Variants in SLC4A10 observed in about 807,000 individuals in gnomAD.
The protein encoded by SLC4A10 is solute carrier family 4 member 10.
In SLC4A10, 42 loss-of-function variants were observed where a neutral mutation model predicts 137.7. That is an observed-to-expected ratio of 0.30 (90% confidence interval 0.24 to 0.39). The LOEUF is 0.39. SLC4A10 is among the 10% of genes least tolerant of loss of function. SLC4A10 has a pLI of 1.00. For synonymous variants in SLC4A10, 474 were observed against 464.1 expected (o/e 1.02, Z -0.27); for missense variants, 925 against 1,355.0 (o/e 0.68, Z 4.98).
chr2:161,864,987 A>T (rs116636888), intron 6 of SLC4A10, among the ~76,000 whole-genome samples: 2 of 152,092 alleles, frequency 1.3e-5, no homozygotes, highest in Non-Finnish European at 2.9e-5. Context: ...ATGCATGCAG[A>T]TTTTATAAAA....
intron 10 of SLC4A10, among the ~76,000 whole-genome samples, chr2:161,885,115 T>A (rs1189767635): frequency 6.6e-6 from 1 of 151,984 alleles, no homozygotes; most frequent in Non-Finnish European, 1.5e-5. Flanking sequence ...GAAGTGGAGA[T>A]GGCAATGAGC....
chr2:161,675,188 A>T (rs1342424627), intron 1 of SLC4A10, among the ~76,000 whole-genome samples: 1 of 152,064 alleles, frequency 6.6e-6, no homozygotes, highest in Non-Finnish European at 1.5e-5. Context: ...TGAGGGGGCA[A>T]CTCCTACCTG....
intron 23 of SLC4A10, among the ~76,000 whole-genome samples, chr2:161,973,136 A>T (rs1236537613): frequency 4.6e-5 from 7 of 152,146 alleles, no homozygotes; most frequent in Non-Finnish European, 8.8e-5. Context: ...CTTCAGGGCC[A>T]TCCCTTTTTT....
At chr2:161,675,190 T>A (rs1299221797) in intron 1 of SLC4A10, among the ~76,000 whole-genome samples, 1 of 152,182 alleles carries the variant, frequency 6.6e-6, no homozygotes, top group Non-Finnish European at 1.5e-5. Context: ...AGGGGGCAAC[T>A]CCTACCTGGT....
intron 1 of SLC4A10, among the ~76,000 whole-genome samples, chr2:161,699,824 A>G (rs2042946943): frequency 6.6e-6 from 1 of 152,188 alleles, no homozygotes; most frequent in Admixed American, 6.5e-5. Context: ...CTGCATTCTA[A>G]CAACAACAAG....
rs145595648 is a variant in SLC4A10, at chr2:161,740,440, C to G, written c.49-30533C>G. On this transcript the variant is annotated intron_variant, in intron 1 of 26. Coordinates refer to ENST00000446997, the MANE Select transcript of SLC4A10 (RefSeq NM_001178015.2). ...CTGTCATTCCCATTAGAGTATTTCT[C>G]TGACATCACCCAAGACAGCATGGGT... Among the ~76,000 whole-genome samples, 199 of 152,260 alleles carry G rather than the reference C, an allele frequency of 1.3e-3. 3 individuals are homozygous for G. The highest frequency in any genetic ancestry group is 0.011 in the East Asian group (55 of 5,174).
chr2:161,779,950 G>C (rs1246972028), intron 2 of SLC4A10, among the ~76,000 whole-genome samples: 1 of 151,996 alleles, frequency 6.6e-6, no homozygotes. Flanking sequence ...CACTACAATG[G>C]TAGAGTTGAG....
intron 3 of SLC4A10, among the ~76,000 whole-genome samples, chr2:161,813,449 T>C (rs1326617383): frequency 6.6e-6 from 1 of 152,044 alleles, no homozygotes; most frequent in Non-Finnish European, 1.5e-5. Flanking sequence ...TAAAGAAGGA[T>C]GGTTGTCCAT....
intron 21 of SLC4A10, among the ~76,000 whole-genome samples, chr2:161,960,294 G>T (rs1450884102): frequency 1.3e-5 from 2 of 150,660 alleles, no homozygotes; most frequent in Non-Finnish European, 3.0e-5. Context: ...AACCTGGGAG[G>T]CGGAGGTTGC....
At chr2:161,955,895 C>T (rs988485183) in intron 19 of SLC4A10, among the ~76,000 whole-genome samples, 10 of 152,238 alleles carry the variant, frequency 6.6e-5, no homozygotes, top group Admixed American at 3.9e-4. Context: ...TAAAATTACA[C>T]TTACTAAATT....
chr2:161,692,033 A>G (rs1434026530), intron 1 of SLC4A10, among the ~76,000 whole-genome samples: 1 of 152,082 alleles, frequency 6.6e-6, no homozygotes, highest in Non-Finnish European at 1.5e-5. Flanking sequence ...TAGAGGACAG[A>G]TTAGTCATGT....
At chr2:161,625,384 C>T (rs377683673) in intron 1 of SLC4A10, among the ~76,000 whole-genome samples, 4 of 151,766 alleles carry the variant, frequency 2.6e-5, no homozygotes, top group African/African-American at 4.8e-5. Context: ...CTGTCTGGAG[C>T]AGCTGCTGTT....
intron 1 of SLC4A10, among the ~76,000 whole-genome samples, chr2:161,769,239 C>A (rs62189055): frequency 0.08 from 12,144 of 151,934 alleles, 617 homozygotes; most frequent in East Asian, 0.14. Flanking sequence ...TCAGCCTGAG[C>A]CAATGTTATA....
chr2:161,715,796 G>T (rs1426766305), intron 1 of SLC4A10, among the ~76,000 whole-genome samples: 1 of 152,020 alleles, frequency 6.6e-6, no homozygotes, highest in Non-Finnish European at 1.5e-5. Context: ...GTGCTGCAAT[G>T]AATATACGCA....
At chr2:161,871,518 C>G (rs569907236) in intron 6 of SLC4A10, among the ~76,000 whole-genome samples, 1 of 151,998 alleles carries the variant, frequency 6.6e-6, no homozygotes, top group Non-Finnish European at 1.5e-5. Context: ...TTAACCTTTT[C>G]TAGCCATTGC....
chr2:161,662,149 C>T (rs1053700409), intron 1 of SLC4A10, among the ~76,000 whole-genome samples: 2 of 151,972 alleles, frequency 1.3e-5, no homozygotes, highest in Non-Finnish European at 1.5e-5. Context: ...ACTAAGAGAT[C>T]GTCTAGGCTC....
intron 1 of SLC4A10, among the ~76,000 whole-genome samples, chr2:161,759,498 T>C (rs2050019336): frequency 6.6e-6 from 1 of 152,012 alleles, no homozygotes; most frequent in East Asian, 1.9e-4. Context: ...TGCTCCTCAG[T>C]CCCTGGCAAC....
intron 1 of SLC4A10, among the ~76,000 whole-genome samples, chr2:161,726,011 G>C (rs2046182381): frequency 6.6e-6 from 1 of 152,104 alleles, no homozygotes; most frequent in South Asian, 2.1e-4. Flanking sequence ...TTTTAATTCA[G>C]TATTCTCATT....
intron 6 of SLC4A10, among the ~76,000 whole-genome samples, chr2:161,871,152 G>T (rs1401919859): frequency 6.6e-6 from 1 of 151,882 alleles, no homozygotes. Flanking sequence ...AAGCGTTTTT[G>T]TGGGGTTTTT....
Sources: gnomAD v4.1 joint callset for allele counts (sites outside exome capture counted in the v4.1 genomes callset) on GRCh38, gnomAD v4.1.1 for gene constraint, MANE v1.5 for transcripts, NCBI Gene and HGNC (gene_info 2026-07-23, HGNC 2026-07-21) for gene names.